Variants in FZD6 observed in about 807,000 individuals in gnomAD.
FZD6 encodes frizzled-6.
Under a neutral mutation model 61.4 loss-of-function variants are expected in FZD6, and 49 were observed. The observed-to-expected ratio is 0.80, with a 90% CI of 0.63 to 1.01. The LOEUF is 1.01. Ranked by LOEUF, FZD6 falls within the 50% of genes least tolerant of loss-of-function variation. The pLI is 0.00. For synonymous variants in FZD6, 265 were observed against 292.2 expected, an observed-to-expected ratio of 0.91 and a Z score of 0.95; for missense variants, 724 against 848.2, an observed-to-expected ratio of 0.85 and a Z score of 1.82.
intron 4 of FZD6, among the ~76,000 whole-genome samples, chr8:103,326,428 A>G (rs1814952536): frequency 6.6e-6 from 1 of 152,200 alleles, no homozygotes; most frequent in Admixed American, 6.5e-5. Flanking sequence ...CTGCTATATT[A>G]ATAATGACTC....
rs11312808 is a variant in FZD6, at chr8:103,307,719, GTT to G, written c.177+7446_177+7447del. ...CTCCTTTCCTTGTGTTCTAAGGTGT[GTT>G]TTTTTTTTTTCATGTCCTTTCCATC... On this transcript the variant is annotated intron_variant, in intron 2 of 6. Coordinates refer to ENST00000358755, the MANE Select transcript of FZD6 (RefSeq NM_003506.4). The G allele has an allele frequency of 9.0e-4, 375 of 418,570 alleles. 1 individual carries two copies. The highest frequency in any genetic ancestry group is 3.4e-3 in the Admixed American group (131 of 38,180). 25.9% of individuals were successfully genotyped at this position (418,570 alleles called of 1,614,324 possible).
intron 3 of FZD6, among the ~76,000 whole-genome samples, chr8:103,323,225 A>T (rs77310261): frequency 0.013 from 2,039 of 152,226 alleles, 25 homozygotes; most frequent in Non-Finnish European, 0.022. Context: ...TTCTGAGGAG[A>T]GAGAGAAGGA....
At chr8:103,299,406 C>G (rs558752974) in intron 1 of FZD6, among the ~76,000 whole-genome samples, 1 of 152,330 alleles carries the variant, frequency 6.6e-6, no homozygotes, top group South Asian at 2.1e-4. Context: ...GCACTACACC[C>G]TCCTAGCCAG....
chr8:103,302,634 A>T (rs969632137), intron 2 of FZD6, among the ~76,000 whole-genome samples: 1 of 152,158 alleles, frequency 6.6e-6, no homozygotes, highest in Non-Finnish European at 1.5e-5. Context: ...GATTGGATAA[A>T]CAAGATAATA....
intron 6 of FZD6, among the ~76,000 whole-genome samples, chr8:103,331,019 T>C (rs1007556135): frequency 1.3e-5 from 2 of 151,934 alleles, no homozygotes; most frequent in Non-Finnish European, 2.9e-5. Flanking sequence ...CTACTGAAAA[T>C]ACAAAAAATT....
In FZD6 at chr8:103,328,267, GGCAAAA is replaced by G; in HGVS notation, c.1401_1406del (p.Lys468_Ala469del). The G allele has an allele frequency of 6.2e-7, 1 of 1,607,630 alleles. No individual in the cohort carries two copies. Among genetic ancestry groups the G allele is most frequent in the Non-Finnish European group, 8.5e-7 (1 of 1,174,360 alleles). On this transcript the variant is annotated inframe_deletion and splice_region_variant, in exon 5 of 7. Transcript: ENST00000358755. ...ATATTATTATTCACTATTTTTTGTAGGCAAAAGCAAAAGCTCGACCAGAATTGGCTT... is the reference window on the plus strand; with the variant it reads ...ATATTATTATTCACTATTTTTTGTAGGCAAAAGCTCGACCAGAATTGGCTT...
In FZD6 at chr8:103,329,013, TTA is replaced by T. The variant is rs55730772; in HGVS notation, c.1541+615_1541+616del. 4.4e-4 allele frequency among the ~76,000 whole-genome samples: 51 copies of T among 115,158 alleles called. 1 individual carries two copies. Among genetic ancestry groups the T allele is most frequent in the East Asian group, 1.8e-3 (6 of 3,284 alleles). 75.5% of individuals were successfully genotyped at this position (115,158 alleles called of 152,430 possible). On this transcript the variant is annotated intron_variant, in intron 5 of 6. Coordinates refer to ENST00000358755, the MANE Select transcript of FZD6 (RefSeq NM_003506.4). ...TATTTATGAGTAATTCATTTTAGTT[TTA>T]TATATATATATATATATGCACACAC...
rs1814892537 is a variant in FZD6, at chr8:103,324,750, T to G, written c.644T>G (p.Phe215Cys). Residue 215 changes from phenylalanine to cysteine, a missense_variant, in exon 4 of 7, where the codon TTC becomes TGC. Phe to Cys is a radical substitution (Grantham distance 205). Coordinates refer to ENST00000358755, the MANE Select transcript of FZD6 (RefSeq NM_003506.4). Reference protein sequence around the residue: ...VSIFCLCATLFTFLTFLIDVR... With the variant: ...VSIFCLCATLCTFLTFLIDVR... Reference sequence around the variant, plus strand: ...ATATTTTGTCTTTGTGCAACTCTGTTCACATTCCTTACTTTTTTAATTGAT... The same window carrying G: ...ATATTTTGTCTTTGTGCAACTCTGTGCACATTCCTTACTTTTTTAATTGAT... 4 of 1,614,058 alleles carry G rather than the reference T, an allele frequency of 2.5e-6. No homozygotes were observed. Among genetic ancestry groups the G allele is most frequent in the Non-Finnish European group, 3.4e-6 (4 of 1,179,912 alleles).
Position 103,331,572 on chromosome 8 carries a change from G to C in FZD6, c.*63G>C, listed in dbSNP as rs1265578240. 8.3e-6 allele frequency: 9 copies of C among 1,080,844 alleles called. No individual in the cohort carries two copies. Among genetic ancestry groups the C allele is most frequent in the Non-Finnish European group, 1.3e-5 (9 of 703,430 alleles). The allele number at this position is 1,080,844 out of a possible 1,614,324, so 67.0% of individuals were successfully genotyped here. ...TTACACTGGAAGTGACCTATGCACT[G>C]TTTTGTAAGAATCACTGTTACATTC... is the stretch of plus-strand genomic sequence containing the variant. On this transcript the variant is annotated 3_prime_UTR_variant, in exon 7 of 7. Transcript: ENST00000358755.
intron 2 of FZD6, among the ~76,000 whole-genome samples, chr8:103,314,949 C>A (rs893732021): frequency 6.6e-6 from 1 of 152,112 alleles, no homozygotes; most frequent in Non-Finnish European, 1.5e-5. Flanking sequence ...TATCCAGAAC[C>A]TGAATGTTTT....
intron 6 of FZD6, 53 bp downstream of exon 6, chr8:103,330,118 AT>A: frequency 1.4e-6 from 2 of 1,422,518 alleles, no homozygotes; most frequent in Non-Finnish European, 2.0e-6. Context: ...TGCATTACAC[AT>A]TTTTTATTAA....
intron 2 of FZD6, among the ~76,000 whole-genome samples, chr8:103,306,651 C>T (rs1283993049): frequency 4.0e-5 from 6 of 151,668 alleles, no homozygotes; most frequent in South Asian, 2.1e-4. Context: ...TACAGGCGCC[C>T]GTCACCAAGC....
At chr8:103,320,599 T>A (rs1224134144) in intron 3 of FZD6, among the ~76,000 whole-genome samples, 1 of 152,230 alleles carries the variant, frequency 6.6e-6, no homozygotes, top group Non-Finnish European at 1.5e-5. Context: ...AGGTTTTTTT[T>A]TTAAAGGCAT....
In FZD6 at chr8:103,318,769, G is replaced by C; in HGVS notation, c.357G>C (p.Glu119Asp). Residue 119 changes from glutamate (E) to aspartate (D), a missense_variant, in exon 3 of 7, where the codon GAG becomes GAC. Physicochemically the swap from Glu to Asp is conservative, Grantham distance 45 (BLOSUM62 2). Coordinates refer to ENST00000358755, the MANE Select transcript of FZD6 (RefSeq NM_003506.4). ...ACACTTTTGGGATCCGATGGCCTGA[G>C]GAGCTTGAATGTGACAGGTAAACAA... ...LIDTFGIRWPEELECDRLQYC... is the reference protein window; with the variant it reads ...LIDTFGIRWPDELECDRLQYC... 1 of 1,602,352 alleles carries C rather than the reference G, an allele frequency of 6.2e-7. No homozygotes were observed. The highest frequency in any genetic ancestry group is 8.6e-7 in the Non-Finnish European group (1 of 1,169,366).
At chr8:103,299,297 C>T (rs1207571939) in intron 1 of FZD6, among the ~76,000 whole-genome samples, 1 of 152,194 alleles carries the variant, frequency 6.6e-6, no homozygotes, top group East Asian at 1.9e-4. Context: ...TGTTGGGGCG[C>T]GGGTAATTCG....
intron 4 of FZD6, among the ~76,000 whole-genome samples, chr8:103,326,190 C>G (rs985341586): frequency 7.2e-5 from 11 of 152,264 alleles, no homozygotes; most frequent in Non-Finnish European, 1.3e-4. Flanking sequence ...CTGCATTGAA[C>G]ATGAGCACTG....
chr8:103,307,299 ATAT>A (rs10582459), intron 2 of FZD6, among the ~76,000 whole-genome samples: 64,891 of 151,782 alleles, frequency 0.43, 14,426 homozygotes, highest in East Asian at 0.61. Context: ...TTTCATTATC[ATAT>A]TATTATAGCA....
At chr8:103,317,678 T>C (rs1226804556) in intron 2 of FZD6, among the ~76,000 whole-genome samples, 2 of 151,988 alleles carry the variant, frequency 1.3e-5, no homozygotes, top group Non-Finnish European at 2.9e-5. Flanking sequence ...ATACAAAAAT[T>C]AGCCGGGCGT....
intron 2 of FZD6, among the ~76,000 whole-genome samples, chr8:103,305,878 T>C (rs1424948865): frequency 6.6e-6 from 1 of 152,236 alleles, no homozygotes; most frequent in Non-Finnish European, 1.5e-5. Flanking sequence ...AGTCCATTCC[T>C]TAGTATTCCA....
Sources: gnomAD v4.1 joint callset for allele counts (sites outside exome capture counted in the v4.1 genomes callset) on GRCh38, gnomAD v4.1.1 for gene constraint, MANE v1.5 for transcripts, NCBI Gene and HGNC (gene_info 2026-07-23, HGNC 2026-07-21) for gene names.